The following KCNN2 variants were observed in gnomAD, a reference collection of about 807,000 sequenced individuals.
KCNN2 encodes small conductance calcium-activated potassium channel protein 2.
KCNN2 carries 24 observed loss-of-function variants against 55.5 expected under a neutral mutation model. That is an observed-to-expected ratio of 0.43 (90% CI 0.31 to 0.61). The LOEUF is 0.61. Among genes scored for constraint, KCNN2 ranks in the 20% least tolerant of loss-of-function variants. The pLI, the probability that KCNN2 is intolerant of heterozygous loss-of-function variation, is 0.08. For synonymous variants in KCNN2, 431 were observed against 336.1 expected, an observed-to-expected ratio of 1.28 and a Z score of -3.09; for missense variants, 754 against 853.6, an observed-to-expected ratio of 0.88 and a Z score of 1.45.
intron 1 of KCNN2, among the ~76,000 whole-genome samples, chr5:114,122,148 G>A (rs988021412): frequency 2.0e-5 from 3 of 152,174 alleles, no homozygotes; most frequent in African/African-American, 7.2e-5. Flanking sequence ...TGTGGTGTTA[G>A]GAGTAATAAT....
chr5:114,236,147 T>C (rs1580646649), intron 2 of KCNN2, among the ~76,000 whole-genome samples: 1 of 152,168 alleles, frequency 6.6e-6, no homozygotes, highest in African/African-American at 2.4e-5. Context: ...TAGTCCATTG[T>C]TATTCTTAAA....
intron 2 of KCNN2, among the ~76,000 whole-genome samples, chr5:114,318,642 T>G (rs1308496258): frequency 2.0e-5 from 3 of 151,642 alleles, no homozygotes; most frequent in Non-Finnish European, 4.4e-5. Flanking sequence ...ATGTATAATT[T>G]ATTATACCAT....
At chr5:114,473,298 CCATTTTATCA>C (rs1290114304) in intron 5 of KCNN2, 134 bp downstream of exon 5, 4 of 658,556 alleles carry the variant, frequency 6.1e-6, no homozygotes, top group Non-Finnish European at 8.1e-6. Context: ...GGAATCACTT[CCATTTTATCA>C]CATTTTGAGA....
At chr5:114,438,815 C>G (rs993986108) in intron 3 of KCNN2, among the ~76,000 whole-genome samples, 8 of 152,164 alleles carry the variant, frequency 5.3e-5, no homozygotes, top group African/African-American at 1.9e-4. Flanking sequence ...TCCCGTTGCT[C>G]TTACGAACTG....
intron 4 of KCNN2, among the ~76,000 whole-genome samples, chr5:114,463,894 G>C (rs1290589902): frequency 6.6e-6 from 1 of 152,194 alleles, no homozygotes; most frequent in Non-Finnish European, 1.5e-5. Context: ...GAAGTAGGGA[G>C]AGCATTCCAG....
intron 4 of KCNN2, among the ~76,000 whole-genome samples, chr5:114,467,255 C>T (rs776092740): frequency 9.2e-5 from 14 of 152,098 alleles, no homozygotes; most frequent in Admixed American, 2.0e-4. Context: ...TGAAAGAATG[C>T]GAAACCTAAG....
intron 2 of KCNN2, among the ~76,000 whole-genome samples, chr5:114,365,956 A>G (rs900322059): frequency 2.6e-5 from 4 of 152,222 alleles, no homozygotes; most frequent in Non-Finnish European, 5.9e-5. Context: ...TAACATCAAA[A>G]ACAAAGTGTC....
intron 1 of KCNN2, among the ~76,000 whole-genome samples, chr5:114,185,040 T>C (rs1259419433): frequency 6.6e-6 from 1 of 152,208 alleles, no homozygotes; most frequent in Non-Finnish European, 1.5e-5. Flanking sequence ...ATGTAAGCCT[T>C]TATTTCAGGT....
At chr5:114,245,387 A>G (rs1580656284) in intron 2 of KCNN2, among the ~76,000 whole-genome samples, 1 of 152,230 alleles carries the variant, frequency 6.6e-6, no homozygotes, top group South Asian at 2.1e-4. Context: ...GTAGCATTTT[A>G]TACTTCACCA....
At chr5:114,458,438 T>A (rs1761028478) in intron 3 of KCNN2, among the ~76,000 whole-genome samples, 1 of 152,212 alleles carries the variant, frequency 6.6e-6, no homozygotes, top group African/African-American at 2.4e-5. Context: ...AGAATTATTT[T>A]TATCCACTTT....
intron 2 of KCNN2, among the ~76,000 whole-genome samples, chr5:114,378,960 G>T (rs1253865133): frequency 6.6e-6 from 1 of 152,170 alleles, no homozygotes; most frequent in East Asian, 1.9e-4. Context: ...CTGGCAGCAT[G>T]TATAATTTAT....
chr5:114,148,700 A>G (rs774081451), intron 1 of KCNN2, among the ~76,000 whole-genome samples: 6 of 152,104 alleles, frequency 3.9e-5, no homozygotes, highest in Non-Finnish European at 7.4e-5. Context: ...CAGAGGGGGC[A>G]ATGGCTTAGT....
At chr5:114,473,896 C>G (rs1761860334) in intron 5 of KCNN2, among the ~76,000 whole-genome samples, 1 of 152,108 alleles carries the variant, frequency 6.6e-6, no homozygotes, top group South Asian at 2.1e-4. Context: ...TCACCAGATC[C>G]AGGTAGAAAA....
chr5:114,194,905 A>G (rs1424316265), intron 1 of KCNN2, among the ~76,000 whole-genome samples: 1 of 141,456 alleles, frequency 7.1e-6, no homozygotes, highest in South Asian at 2.2e-4. Context: ...TTTTTTTTGC[A>G]TGTGGCTCTC....
intron 4 of KCNN2, among the ~76,000 whole-genome samples, chr5:114,463,537 A>G (rs561688957): frequency 6.6e-6 from 1 of 152,322 alleles, no homozygotes; most frequent in South Asian, 2.1e-4. Flanking sequence ...TAAATTGTAA[A>G]ATATAGCCCA....
intron 2 of KCNN2, among the ~76,000 whole-genome samples, chr5:114,384,081 T>G (rs1345029828): frequency 3.3e-5 from 5 of 152,228 alleles, no homozygotes; most frequent in African/African-American, 4.8e-5. Context: ...TCTTTTGTTT[T>G]CTTTTTGCAG....
At chr5:114,172,439 A>G (rs1427619525) in intron 1 of KCNN2, among the ~76,000 whole-genome samples, 2 of 151,412 alleles carry the variant, frequency 1.3e-5, no homozygotes, top group East Asian at 3.9e-4. Context: ...TCTCACCTCT[A>G]TTTTAGCTAT....
chr5:114,114,546 C>G (rs1001441687), intron 1 of KCNN2, among the ~76,000 whole-genome samples: 15 of 151,956 alleles, frequency 9.9e-5, no homozygotes, highest in African/African-American at 3.6e-4. Context: ...TTAGTTTGTT[C>G]CAGGTACTGT....
chr5:114,153,154 G>T (rs1174845545), intron 1 of KCNN2, among the ~76,000 whole-genome samples: 1 of 152,210 alleles, frequency 6.6e-6, no homozygotes, highest in Non-Finnish European at 1.5e-5. Context: ...GTGAAAGCCA[G>T]TGGGCAATTA....
Sources: allele counts gnomAD v4.1 joint callset (sites outside exome capture counted in the v4.1 genomes callset), GRCh38; gene constraint gnomAD v4.1.1; transcripts MANE v1.5; gene names NCBI Gene and HGNC (gene_info 2026-07-23, HGNC 2026-07-21).